The following RGS6 variants were observed in gnomAD, a reference collection of about 807,000 sequenced individuals.
RGS6 encodes regulator of G-protein signaling 6.
In RGS6, 30 loss-of-function variants were observed where a neutral mutation model predicts 78.5. That is an observed-to-expected ratio of 0.38 (90% confidence interval 0.29 to 0.52). The LOEUF is 0.52. RGS6 is among the 20% of genes least tolerant of loss of function. RGS6 has a pLI of 0.85. For missense variants in RGS6, 495 were observed against 609.7 expected, an observed-to-expected ratio of 0.81 and a Z score of 1.98; for synonymous variants, 206 against 206.0, an observed-to-expected ratio of 1.00 and a Z score of 0.00.
chr14:72,549,311 A>G (rs554946536), intron 17 of RGS6, among the ~76,000 whole-genome samples: 2 of 151,982 alleles, frequency 1.3e-5, no homozygotes, highest in South Asian at 4.2e-4. Context: ...TCTCTCCCGA[A>G]TGTCTGAAAG....
intron 2 of RGS6, among the ~76,000 whole-genome samples, chr14:72,288,034 T>C (rs1408162532): frequency 2.6e-5 from 4 of 152,196 alleles, no homozygotes; most frequent in African/African-American, 9.6e-5. Context: ...TCATCAGGGA[T>C]ATTCGCCTAT....
intron 3 of RGS6, among the ~76,000 whole-genome samples, chr14:72,418,234 T>A (rs2093960441): frequency 6.6e-6 from 1 of 152,064 alleles, no homozygotes; most frequent in Non-Finnish European, 1.5e-5. Context: ...TGGCATGATC[T>A]CAACTCACTG....
At chr14:72,139,835 C>CTT (rs556562235) in intron 2 of RGS6, among the ~76,000 whole-genome samples, 20 of 147,802 alleles carry the variant, frequency 1.4e-4, no homozygotes, top group African/African-American at 4.7e-4. Flanking sequence ...CTCAGGCAGA[C>CTT]TTTTTTTTTT....
chr14:72,027,979 C>A (rs2090194558), intron 2 of RGS6, among the ~76,000 whole-genome samples: 1 of 152,124 alleles, frequency 6.6e-6, no homozygotes, highest in Admixed American at 6.6e-5. Flanking sequence ...GAATGCCATA[C>A]ACACTCATTG....
intron 13 of RGS6, among the ~76,000 whole-genome samples, chr14:72,503,863 C>T (rs1008499338): frequency 3.3e-5 from 5 of 152,190 alleles, no homozygotes; most frequent in East Asian, 1.9e-4. Flanking sequence ...CAGCAGCTTT[C>T]TCCTGGGGTC....
At chr14:72,536,564 C>A (rs2097254070) in intron 16 of RGS6, among the ~76,000 whole-genome samples, 1 of 152,080 alleles carries the variant, frequency 6.6e-6, no homozygotes, top group South Asian at 2.1e-4. Flanking sequence ...ACTAAGGCCA[C>A]AGTGGCTCAG....
chr14:71,964,866 T>G lies in RGS6; in HGVS notation c.75T>G (p.Val25=). 1 of 1,613,744 alleles carries G rather than the reference T, an allele frequency of 6.2e-7. No homozygotes were observed. Among genetic ancestry groups the G allele is most frequent in the Non-Finnish European group, 8.5e-7 (1 of 1,179,810 alleles). ...DPEESSPNMI[V]YCKIEDIITK... is the part of the protein sequence containing the mutation. ...AGGAGAGTTCTCCAAACATGATCGT[T>G]TACTGCAAAGTAAGGCGCCTGGTCA... Residue 25 remains valine (V), a synonymous_variant, in exon 2 of 18, where the codon GTT becomes GTG. Transcript: ENST00000553525.
At chr14:72,448,143 G>C (rs1051191403) in intron 3 of RGS6, among the ~76,000 whole-genome samples, 3 of 152,232 alleles carry the variant, frequency 2.0e-5, no homozygotes, top group African/African-American at 7.2e-5. Context: ...AAGAAATGGA[G>C]ATCAGGGCAG....
intron 2 of RGS6, among the ~76,000 whole-genome samples, chr14:72,068,406 A>G (rs2094258967): frequency 1.3e-5 from 2 of 151,794 alleles, no homozygotes; most frequent in African/African-American, 4.8e-5. Context: ...AAGTGCTGAG[A>G]TTACAGGCGT....
In RGS6 at chr14:72,296,062, A is replaced by G. The variant is rs371863198; in HGVS notation, c.85-56033A>G. Among the ~76,000 whole-genome samples the G allele has an allele frequency of 1.1e-4, 16 of 152,356 alleles. 1 individual carries two copies. In the East Asian group the frequency reaches 1.7e-3, roughly 17 times the overall value. ...AGAAGCAATCACAGATGTGATGTCT[A>G]TCACCACACTTGGTTCTATTCTAGG... On this transcript the variant is annotated intron_variant, in intron 2 of 17. Coordinates refer to ENST00000553525, the MANE Select transcript of RGS6 (RefSeq NM_001204424.2).
intron 2 of RGS6, among the ~76,000 whole-genome samples, chr14:72,200,986 AAG>A (rs1408994733): frequency 8.9e-5 from 13 of 145,786 alleles, no homozygotes; most frequent in East Asian, 4.2e-4. Flanking sequence ...AAAAAAAAAA[AAG>A]AAGAAGAAAA....
intron 2 of RGS6, among the ~76,000 whole-genome samples, chr14:72,134,827 A>G (rs1567280298): frequency 1.3e-5 from 2 of 152,164 alleles, no homozygotes; most frequent in African/African-American, 4.8e-5. Context: ...TTGCTCAAGA[A>G]GAGAGAGAGT....
rs543277839 is a variant in RGS6 at position 72,529,264 on chromosome 14, C to T, written c.1279-6922C>T. 1.7e-4 allele frequency among the ~76,000 whole-genome samples: 26 copies of T among 152,274 alleles called. No individual in the cohort carries two copies. The South Asian group carries it at 4.8e-3, about 28-fold the overall frequency. ...GGGGTGTGAGAGATCCGCAGAGGTT[C>T]TCAGATTCTGGTTTTCTCAGACCCG... On this transcript the variant is annotated intron_variant, in intron 15 of 17. Transcript: ENST00000553525.
chr14:71,986,186 A>G (rs759909638), intron 2 of RGS6, among the ~76,000 whole-genome samples: 24 of 151,832 alleles, frequency 1.6e-4, no homozygotes, highest in Non-Finnish European at 3.1e-4. Flanking sequence ...ACCCCTTTCA[A>G]CCTTCCATTT....
At chr14:71,972,403 A>G (rs1455096362) in intron 2 of RGS6, among the ~76,000 whole-genome samples, 1 of 152,090 alleles carries the variant, frequency 6.6e-6, no homozygotes, top group East Asian at 1.9e-4. Context: ...CCTTTTGGAA[A>G]TACATTTTCC....
chr14:72,085,093 T>G (rs956710315), intron 2 of RGS6, among the ~76,000 whole-genome samples: 1 of 152,146 alleles, frequency 6.6e-6, no homozygotes, highest in African/African-American at 2.4e-5. Context: ...TGGAATAACT[T>G]TCTTCCTCAC....
intron 2 of RGS6, among the ~76,000 whole-genome samples, chr14:72,072,304 AGTTT>A (rs760682880): frequency 9.2e-4 from 139 of 150,554 alleles, no homozygotes; most frequent in Non-Finnish European, 1.3e-3. Flanking sequence ...GTGTGTGTGT[AGTTT>A]GTTTGTTTTT....
chr14:72,536,249 C>A lies in RGS6; in HGVS notation c.1342C>A (p.Gln448Lys). 6.2e-7 allele frequency: 1 copy of A among 1,613,866 alleles called. No homozygotes were observed. The highest frequency in any genetic ancestry group is 1.1e-5 in the South Asian group (1 of 91,052). Residue 448 changes from glutamine (Q) to lysine (K), a missense_variant, in exon 16 of 18, where the codon CAG becomes AAG. Transcript: ENST00000553525. ...CCGCTTCCTCCGGTCAAATGCTTAC[C>A]AGGATTTGCTGCTGGCCAAGAAGAA... ...YARFLRSNAY[Q>K]DLLLAKKKPE...
chr14:72,247,200 T>C (rs2054451940), intron 2 of RGS6, among the ~76,000 whole-genome samples: 1 of 152,216 alleles, frequency 6.6e-6, no homozygotes, highest in Admixed American at 6.5e-5. Context: ...AGTGATGGTA[T>C]GCCAGCTTAG....
Sources: gnomAD v4.1 joint callset for allele counts (sites outside exome capture counted in the v4.1 genomes callset) on GRCh38, gnomAD v4.1.1 for gene constraint, MANE v1.5 for transcripts, NCBI Gene and HGNC (gene_info 2026-07-23, HGNC 2026-07-21) for gene names.